The following ARHGAP26 variants were observed in gnomAD, a reference collection of about 807,000 sequenced individuals.
The protein encoded by ARHGAP26 is rho GTPase-activating protein 26.
In ARHGAP26, 38 loss-of-function variants were observed where a neutral mutation model predicts 104.8. The observed-to-expected ratio is 0.36, with a 90% CI of 0.28 to 0.48. The LOEUF (loss-of-function observed/expected upper bound fraction) is 0.48. ARHGAP26 is among the 20% of genes least tolerant of loss of function. The probability of loss-of-function intolerance (pLI) is 0.99; values close to 1 mark genes in which losing one functional copy is unlikely to be tolerated. For synonymous variants in ARHGAP26, 341 were observed against 340.0 expected, an observed-to-expected ratio of 1.00 and a Z score of -0.03; for missense variants, 704 against 947.9, an observed-to-expected ratio of 0.74 and a Z score of 3.38.
chr5:142,903,783 A>C, intron 8 of ARHGAP26, 114 bp downstream of exon 8: 1 of 1,100,832 alleles, frequency 9.1e-7, no homozygotes, highest in Non-Finnish European at 1.2e-6. Flanking sequence ...GATAACAAGA[A>C]CAATTTTATA....
intron 16 of ARHGAP26, 95 bp downstream of exon 16, chr5:143,056,181 T>C: frequency 9.6e-7 from 1 of 1,040,988 alleles, no homozygotes; most frequent in Non-Finnish European, 1.5e-6. Context: ...ACCTAACCCT[T>C]CGTATTCTGC....
chr5:143,208,430 C>T (rs186332287), intron 21 of ARHGAP26, among the ~76,000 whole-genome samples: 1 of 152,162 alleles, frequency 6.6e-6, no homozygotes. Context: ...AGCCGAGTTT[C>T]ACTTTTAGAA....
intron 20 of ARHGAP26, among the ~76,000 whole-genome samples, chr5:143,157,352 T>C (rs564281334): frequency 6.6e-6 from 1 of 152,054 alleles, no homozygotes; most frequent in African/African-American, 2.4e-5. Context: ...AATTTTTATA[T>C]GTTTTGGCAG....
chr5:142,781,812 A>G (rs981237800), intron 1 of ARHGAP26, among the ~76,000 whole-genome samples: 2 of 152,164 alleles, frequency 1.3e-5, no homozygotes, highest in Non-Finnish European at 2.9e-5. Context: ...CCCGGGTTCA[A>G]GTGATTCTCC....
At chr5:143,061,685 T>G (rs1167772210) in intron 17 of ARHGAP26, among the ~76,000 whole-genome samples, 1 of 152,180 alleles carries the variant, frequency 6.6e-6, no homozygotes, top group Non-Finnish European at 1.5e-5. Context: ...AGATCTGTTG[T>G]GTCATGACAC....
At chr5:143,156,679 G>A (rs1800498533) in intron 20 of ARHGAP26, among the ~76,000 whole-genome samples, 1 of 152,222 alleles carries the variant, frequency 6.6e-6, no homozygotes, top group Non-Finnish European at 1.5e-5. Flanking sequence ...TTACCTCAGT[G>A]TAAAGCTCTC....
intron 1 of ARHGAP26, among the ~76,000 whole-genome samples, chr5:142,857,064 G>T (rs1013628529): frequency 4.6e-5 from 7 of 152,114 alleles, no homozygotes; most frequent in Admixed American, 3.3e-4. Flanking sequence ...GCATGTAGCT[G>T]TGTCACTTCA....
chr5:142,882,327 G>T (rs930130977), intron 4 of ARHGAP26, among the ~76,000 whole-genome samples: 6 of 152,136 alleles, frequency 3.9e-5, no homozygotes, highest in South Asian at 4.1e-4. Context: ...GGTGTCTGTC[G>T]TATAGCTACC....
At position 143,014,309 on chromosome 5, in the gene ARHGAP26, T is replaced by TG. The variant is rs1297543755; in HGVS notation, c.1144+195dup. ...CAGAGGGACGGTAAGTGAGCCTGGC[T>TG]GGCAAGGCTGTAGTGTAGTGACACC... is the stretch of plus-strand genomic sequence containing the variant. On this transcript the variant is annotated intron_variant, in intron 12 of 22. Transcript: ENST00000645722. 4 of 626,876 alleles carry TG rather than the reference T, an allele frequency of 6.4e-6. No individual in the cohort carries two copies. In the African/African-American group the frequency reaches 7.4e-5, roughly 12 times the overall value. The allele number at this position is 626,876 out of a possible 1,614,324, so 38.8% of individuals were successfully genotyped here. A position where few individuals can be genotyped will look rare whatever the true frequency, so the allele number is the denominator to read the frequency against.
intron 8 of ARHGAP26, among the ~76,000 whole-genome samples, chr5:142,903,929 T>C (rs1286764800): frequency 1.3e-5 from 2 of 152,186 alleles, no homozygotes; most frequent in Non-Finnish European, 2.9e-5. Context: ...AATGTTACTC[T>C]ACTCTTGGGG....
At chr5:143,093,587 TC>T (rs1215551710) in intron 17 of ARHGAP26, among the ~76,000 whole-genome samples, 13 of 150,084 alleles carry the variant, frequency 8.7e-5, no homozygotes, top group Admixed American at 8.6e-4. Flanking sequence ...TCTGCCTCAC[TC>T]TTTCTCTCTG....
intron 20 of ARHGAP26, chr5:143,194,012 T>C (rs1437486364): frequency 6.6e-6 from 1 of 152,204 alleles, no homozygotes; most frequent in Non-Finnish European, 1.5e-5. Context: ...CACTGACCAC[T>C]GTGGCCAGCC....
intron 2 of ARHGAP26, chr5:142,874,835 G>GC (rs1755853909): frequency 3.1e-6 from 1 of 321,642 alleles, no homozygotes; most frequent in South Asian, 7.1e-5. Flanking sequence ...AAGCCTGCCA[G>GC]CATCTCACCA....
intron 4 of ARHGAP26, among the ~76,000 whole-genome samples, chr5:142,881,808 A>G (rs1757037524): frequency 6.6e-6 from 1 of 152,162 alleles, no homozygotes; most frequent in Admixed American, 6.5e-5. Flanking sequence ...TGGTTTGGGT[A>G]TTGGCCAAGT....
intron 11 of ARHGAP26, among the ~76,000 whole-genome samples, chr5:142,943,110 C>T (rs1333119887): frequency 3.3e-5 from 5 of 152,140 alleles, no homozygotes. Context: ...GATAGGAACA[C>T]GTGTGTTGTT....
chr5:143,167,418 G>T (rs114310053), intron 20 of ARHGAP26, among the ~76,000 whole-genome samples: 3,316 of 135,914 alleles, frequency 0.024, 152 homozygotes, highest in African/African-American at 0.088. Flanking sequence ...GGGGGGAAGA[G>T]GTTACAGTGA....
At chr5:142,853,460 G>A (rs1751872226) in intron 1 of ARHGAP26, among the ~76,000 whole-genome samples, 1 of 152,170 alleles carries the variant, frequency 6.6e-6, no homozygotes, top group Non-Finnish European at 1.5e-5. Context: ...CAACGTGCTA[G>A]GATTATAGAC....
At chr5:143,077,435 G>A (rs369570310) in intron 17 of ARHGAP26, among the ~76,000 whole-genome samples, 1 of 152,130 alleles carries the variant, frequency 6.6e-6, no homozygotes, top group Non-Finnish European at 1.5e-5. Context: ...CCCCAGCACC[G>A]GTTCTTCTCA....
chr5:142,907,920 A>T, intron 9 of ARHGAP26, 116 bp downstream of exon 9: 3 of 629,660 alleles, frequency 4.8e-6, no homozygotes, highest in Non-Finnish European at 7.0e-6. Flanking sequence ...TAAATTTAAA[A>T]TTAATAATTT....
Sources: allele counts gnomAD v4.1 joint callset (sites outside exome capture counted in the v4.1 genomes callset), GRCh38; gene constraint gnomAD v4.1.1; transcripts MANE v1.5; gene names NCBI Gene and HGNC (gene_info 2026-07-23, HGNC 2026-07-21).